Variants in TMEM67 observed in about 807,000 individuals in gnomAD.
TMEM67 encodes transmembrane protein 67.
A neutral mutation model predicts 136.6 loss-of-function variants in TMEM67; 124 were observed. The ratio of observed to expected loss-of-function variants is 0.91; its 90% CI spans 0.78 to 1.05. TMEM67 has a LOEUF of 1.05. Among genes scored for constraint, TMEM67 ranks in the 50% least tolerant of loss-of-function variants. The probability of loss-of-function intolerance (pLI) is 0.00; values close to 1 mark genes in which losing one functional copy is unlikely to be tolerated. For synonymous variants in TMEM67, 364 were observed against 390.5 expected, an observed-to-expected ratio of 0.93 and a Z score of 0.80; for missense variants, 1,107 against 1,178.4, an observed-to-expected ratio of 0.94 and a Z score of 0.89.
At chr8:93,813,096 C>G (rs529097554) in intron 26 of TMEM67, among the ~76,000 whole-genome samples, 15 of 152,060 alleles carry the variant, frequency 9.9e-5, no homozygotes, top group Admixed American at 9.2e-4. Flanking sequence ...TTTTTTCTTC[C>G]TTTCTCCTTT....
the TMEM67 span, among the ~76,000 whole-genome samples, chr8:93,827,044 T>A: frequency 6.6e-6 from 1 of 152,194 alleles, no homozygotes; most frequent in East Asian, 1.9e-4. Context: ...TTGGCCAGGC[T>A]GGTCTCAAAC....
chr8:93,810,038 A>T (rs1354312376), intron 26 of TMEM67, 151 bp downstream of exon 26: 2 of 496,802 alleles, frequency 4.0e-6, no homozygotes, highest in African/African-American at 4.0e-5. Context: ...GCACGATCTC[A>T]GCTTACTGCA....
chr8:93,776,321 T>G, intron 7 of TMEM67, among the ~76,000 whole-genome samples: 1 of 152,216 alleles, frequency 6.6e-6, no homozygotes, highest in Non-Finnish European at 1.5e-5. Context: ...ACTTCTTCTT[T>G]TCCTAATTGA....
chr8:93,792,971 C>T (rs952533504), intron 15 of TMEM67, among the ~76,000 whole-genome samples: 4 of 151,798 alleles, frequency 2.6e-5, no homozygotes, highest in African/African-American at 9.7e-5. Flanking sequence ...ACGGGTTTCA[C>T]CGTGTTAGCC....
intron 14 of TMEM67, among the ~76,000 whole-genome samples, chr8:93,790,128 A>T (rs1254550931): frequency 6.6e-6 from 1 of 152,162 alleles, no homozygotes; most frequent in African/African-American, 2.4e-5. Context: ...AAATTATTCT[A>T]ATTATAAAAT....
At chr8:93,811,549 A>T (rs903165332) in intron 26 of TMEM67, among the ~76,000 whole-genome samples, 5 of 151,934 alleles carry the variant, frequency 3.3e-5, no homozygotes, top group African/African-American at 9.7e-5. Context: ...ATTTTTTTTT[A>T]TTTTTTTGCC....
intron 7 of TMEM67, among the ~76,000 whole-genome samples, chr8:93,773,466 G>GA (rs1217249749): frequency 6.6e-6 from 1 of 152,178 alleles, no homozygotes; most frequent in Non-Finnish European, 1.5e-5. Flanking sequence ...GACCATTTAG[G>GA]AGAGTATTAC....
intron 6 of TMEM67, among the ~76,000 whole-genome samples, chr8:93,768,014 C>T (rs1405910595): frequency 6.6e-6 from 1 of 151,468 alleles, no homozygotes; most frequent in African/African-American, 2.4e-5. Context: ...TACAGGCATG[C>T]ACCACCACAC....
the TMEM67 span, among the ~76,000 whole-genome samples, chr8:93,828,577 TA>T: frequency 3.4e-4 from 51 of 151,938 alleles, no homozygotes; most frequent in East Asian, 9.1e-3. Context: ...CCATCGCTAA[TA>T]AAAATACAGA....
At position 93,780,748 on chromosome 8, in the gene TMEM67, G is replaced by A. The variant is rs773594502; in HGVS notation, c.869+1G>A. The A allele has an allele frequency of 2.5e-6, 4 of 1,613,710 alleles. No homozygotes were observed. The highest frequency in any genetic ancestry group is 2.2e-5 in the East Asian group (1 of 44,866). ...GCACTGTTCATTCTATTTCATTTTGGTAAGGATATTTTGATTGATGAAATG... is the reference window on the plus strand; with the variant it reads ...GCACTGTTCATTCTATTTCATTTTGATAAGGATATTTTGATTGATGAAATG... On this transcript the variant is annotated splice_donor_variant, in intron 8 of 27. Transcript: ENST00000453321. LOFTEE classifies it high-confidence loss of function.
At chr8:93,819,731 C>T (rs780972524), downstream of TMEM67, among the ~76,000 whole-genome samples, 2 of 152,080 alleles carry the variant, frequency 1.3e-5, no homozygotes, top group Non-Finnish European at 2.9e-5. Flanking sequence ...AGAGACAAAG[C>T]AGCACATGGC....
At chr8:93,830,348 T>C in the TMEM67 span, among the ~76,000 whole-genome samples, 1 of 152,184 alleles carries the variant, frequency 6.6e-6, no homozygotes, top group Non-Finnish European at 1.5e-5. Context: ...CTGGTCAATG[T>C]GTTTCCCTGA....
chr8:93,806,638 C>A (rs143018330), intron 23 of TMEM67, among the ~76,000 whole-genome samples: 1 of 152,190 alleles, frequency 6.6e-6, no homozygotes, highest in Non-Finnish European at 1.5e-5. Flanking sequence ...AGGGGCCATA[C>A]CTGTGACTTG....
At chr8:93,759,911 A>T (rs892399375) in intron 3 of TMEM67, 1 of 1,450,990 alleles carries the variant, frequency 6.9e-7, no homozygotes, top group Non-Finnish European at 9.4e-7. Context: ...AGCCTCCCAA[A>T]GTGCTGGGAT....
intron 23 of TMEM67, among the ~76,000 whole-genome samples, chr8:93,808,537 A>AT (rs1808554750): frequency 6.4e-3 from 41 of 6,400 alleles, no homozygotes; most frequent in Non-Finnish European, 0.011. Flanking sequence ...ATATATATCT[A>AT]TAATCTATAT....
chr8:93,826,289 G>A, the TMEM67 span, among the ~76,000 whole-genome samples: 12 of 151,574 alleles, frequency 7.9e-5, no homozygotes, highest in South Asian at 2.1e-4. Context: ...ACCACCGCGC[G>A]TGGCTAGTTT....
At chr8:93,797,591 G>T (rs1814679843) in intron 20 of TMEM67, 121 bp downstream of exon 20, 2 of 981,150 alleles carry the variant, frequency 2.0e-6, no homozygotes, top group Non-Finnish European at 3.1e-6. Flanking sequence ...AAATATTGTT[G>T]TGAAGCCATT....
the TMEM67 span, among the ~76,000 whole-genome samples, chr8:93,829,140 A>G: frequency 6.6e-6 from 1 of 152,154 alleles, no homozygotes; most frequent in Admixed American, 6.5e-5. Flanking sequence ...CTCTGTTATC[A>G]TCATTGCCCT....
At chr8:93,772,176 C>T (rs1318924567) in intron 6 of TMEM67, among the ~76,000 whole-genome samples, 1 of 152,102 alleles carries the variant, frequency 6.6e-6, no homozygotes, top group African/African-American at 2.4e-5. Context: ...GTTTGAGAAC[C>T]ACCACTTTGG....
Sources: gnomAD v4.1 joint callset for allele counts (sites outside exome capture counted in the v4.1 genomes callset) on GRCh38, gnomAD v4.1.1 for gene constraint, MANE v1.5 for transcripts, NCBI Gene and HGNC (gene_info 2026-07-23, HGNC 2026-07-21) for gene names.